The following TBC1D32 variants were observed in gnomAD, a reference collection of about 807,000 sequenced individuals.
The protein encoded by TBC1D32 is protein broad-minded.
TBC1D32 carries 151 observed loss-of-function variants against 170.3 expected under a neutral mutation model. The observed-to-expected ratio is 0.89, with a 90% CI of 0.78 to 1.01. The LOEUF is 1.01. TBC1D32 is among the 50% of genes least tolerant of loss of function. The pLI is 0.00. For missense variants in TBC1D32, 1,464 were observed against 1,457.1 expected (o/e 1.00, Z -0.08); for synonymous variants, 498 against 488.0 (o/e 1.02, Z -0.27).
chr6:121,174,397 A>C (rs1164980297), intron 22 of TBC1D32, among the ~76,000 whole-genome samples: 1 of 152,196 alleles, frequency 6.6e-6, no homozygotes, highest in African/African-American at 2.4e-5. Context: ...AAACTGTACA[A>C]TATGTCCCAG....
At chr6:121,266,699 G>A (rs1800531495) in intron 15 of TBC1D32, among the ~76,000 whole-genome samples, 1 of 152,018 alleles carries the variant, frequency 6.6e-6, no homozygotes, top group African/African-American at 2.4e-5. Context: ...AAGAAAATGT[G>A]GCACACATAC....
intron 15 of TBC1D32, among the ~76,000 whole-genome samples, chr6:121,257,609 T>C (rs2128399054): frequency 6.6e-6 from 1 of 152,338 alleles, no homozygotes; most frequent in African/African-American, 2.4e-5. Flanking sequence ...AATGCTTAAA[T>C]TTTCTTTTTA....
intron 22 of TBC1D32, among the ~76,000 whole-genome samples, chr6:121,175,911 T>C (rs954724084): frequency 6.6e-6 from 1 of 152,172 alleles, no homozygotes; most frequent in Non-Finnish European, 1.5e-5. Context: ...TAGAAGACAA[T>C]AAAACTGTTT....
At chr6:121,169,058 A>G (rs937294030) in intron 22 of TBC1D32, among the ~76,000 whole-genome samples, 89 of 68,976 alleles carry the variant, frequency 1.3e-3, no homozygotes, top group Admixed American at 4.0e-3. Context: ...ACAGAATCAG[A>G]AAAAAAATAT....
intron 31 of TBC1D32, among the ~76,000 whole-genome samples, chr6:121,084,114 C>A (rs750531790): frequency 6.6e-6 from 1 of 152,088 alleles, no homozygotes; most frequent in Non-Finnish European, 1.5e-5. Flanking sequence ...CAAGGGTGGT[C>A]TTGCCTGGCC....
At chr6:121,108,782 C>A (rs1337916744) in intron 29 of TBC1D32, among the ~76,000 whole-genome samples, 1 of 151,814 alleles carries the variant, frequency 6.6e-6, no homozygotes, top group Non-Finnish European at 1.5e-5. Flanking sequence ...AATAGAAAGA[C>A]CCCATTAGAA....
At chr6:121,215,120 C>T (rs967530197) in intron 21 of TBC1D32, among the ~76,000 whole-genome samples, 1 of 152,230 alleles carries the variant, frequency 6.6e-6, no homozygotes. Flanking sequence ...CCAAGTCTGG[C>T]TGAGTCTGGG....
intron 29 of TBC1D32, among the ~76,000 whole-genome samples, chr6:121,108,623 A>G (rs1048731243): frequency 3.3e-5 from 5 of 152,102 alleles, no homozygotes; most frequent in African/African-American, 9.7e-5. Flanking sequence ...AGAATACTGT[A>G]TATTACTTTA....
At chr6:121,334,571 G>T, upstream of TBC1D32, 2 of 967,776 alleles carry the variant, frequency 2.1e-6, no homozygotes, top group Non-Finnish European at 3.0e-6. Context: ...GCCTGTGCCT[G>T]CGCCCTCAGC....
intron 21 of TBC1D32, among the ~76,000 whole-genome samples, chr6:121,220,983 A>C (rs1794450877): frequency 7.9e-6 from 1 of 127,128 alleles, no homozygotes; most frequent in Non-Finnish European, 1.8e-5. Context: ...TATTGGAAGA[A>C]GATACCGTCT....
chr6:121,179,296 TTGTGTG>T (rs57769629), intron 22 of TBC1D32, among the ~76,000 whole-genome samples: 1 of 147,918 alleles, frequency 6.8e-6, no homozygotes, highest in Non-Finnish European at 1.5e-5. Context: ...TATGTATAGT[TTGTGTG>T]TGTGTGTGTG....
chr6:121,213,959 A>G (rs1047099632), intron 21 of TBC1D32, among the ~76,000 whole-genome samples: 1 of 152,172 alleles, frequency 6.6e-6, no homozygotes, highest in Non-Finnish European at 1.5e-5. Context: ...GGAAAAGAAT[A>G]GAAAGCCCAG....
intron 22 of TBC1D32, among the ~76,000 whole-genome samples, chr6:121,199,443 TG>T (rs1179477610): frequency 6.6e-6 from 1 of 151,192 alleles, no homozygotes; most frequent in Non-Finnish European, 1.5e-5. Flanking sequence ...GGGTTAACAG[TG>T]GTTACCATGA....
At chr6:121,276,252 A>C (rs1343645468) in intron 15 of TBC1D32, among the ~76,000 whole-genome samples, 4 of 152,180 alleles carry the variant, frequency 2.6e-5, no homozygotes, top group Non-Finnish European at 4.4e-5. Flanking sequence ...AAACGATATA[A>C]GGGACAGAAG....
At chr6:121,275,997 T>C (rs759614031) in intron 15 of TBC1D32, among the ~76,000 whole-genome samples, 3 of 151,318 alleles carry the variant, frequency 2.0e-5, no homozygotes, top group Admixed American at 1.3e-4. Flanking sequence ...TGCACACCTA[T>C]AGGTCCCAGC....
In TBC1D32 at chr6:121,237,254, A is replaced by T. The variant is rs11154006; in HGVS notation, c.2364+1816T>A. Among the ~76,000 whole-genome samples the T allele has an allele frequency of 2.6e-3, 394 of 151,794 alleles. 2 individuals are homozygous for T. The highest frequency in any genetic ancestry group is 4.4e-3 in the Non-Finnish European group (299 of 67,806). ...CCACTATTGTAATGAGATATGAAAA[A>T]TTTTTCTGCTAATCTCTTATATGTA... On this transcript the variant is annotated intron_variant, in intron 20 of 31. Transcript: ENST00000398212.
intron 31 of TBC1D32, among the ~76,000 whole-genome samples, chr6:121,088,732 G>A (rs191503834): frequency 6.6e-6 from 1 of 152,066 alleles, no homozygotes; most frequent in Non-Finnish European, 1.5e-5. Flanking sequence ...AAAACAACAA[G>A]GGTAAAAAGT....
intron 3 of TBC1D32, among the ~76,000 whole-genome samples, chr6:121,314,564 C>T (rs1159694098): frequency 6.6e-6 from 1 of 152,106 alleles, no homozygotes; most frequent in African/African-American, 2.4e-5. Flanking sequence ...CCTAAACTCA[C>T]CTGCATAAGG....
chr6:121,271,979 G>C (rs1197183555), intron 15 of TBC1D32, among the ~76,000 whole-genome samples: 1 of 152,032 alleles, frequency 6.6e-6, no homozygotes, highest in Admixed American at 6.6e-5. Flanking sequence ...TGATCTTTGA[G>C]AAACCTGACA....
Sources: gnomAD v4.1 joint callset for allele counts (sites outside exome capture counted in the v4.1 genomes callset) on GRCh38, gnomAD v4.1.1 for gene constraint, MANE v1.5 for transcripts, NCBI Gene and HGNC (gene_info 2026-07-23, HGNC 2026-07-21) for gene names.